The following RBPJ variants were observed in gnomAD, a reference collection of about 807,000 sequenced individuals.
RBPJ encodes recombining binding protein suppressor of hairless.
Under a neutral mutation model 67.8 loss-of-function variants are expected in RBPJ, and 9 were observed. The ratio of observed to expected loss-of-function variants is 0.13; its 90% CI spans 0.08 to 0.23. The LOEUF (loss-of-function observed/expected upper bound fraction) is 0.23. RBPJ is among the 10% of genes least tolerant of loss of function. RBPJ has a pLI of 1.00. For synonymous variants in RBPJ, 198 were observed against 203.3 expected (o/e 0.97, Z 0.22); for missense variants, 305 against 595.6 (o/e 0.51, Z 5.08).
chr4:26,402,309 C>T (rs1404589961), intron 2 of RBPJ, among the ~76,000 whole-genome samples: 1 of 152,186 alleles, frequency 6.6e-6, no homozygotes, highest in African/African-American at 2.4e-5. Context: ...GTTTGGTCTC[C>T]CTATTCCCTC....
chr4:26,213,991 G>A (rs1348438926), intron 1 of RBPJ, among the ~76,000 whole-genome samples: 1 of 152,018 alleles, frequency 6.6e-6, no homozygotes, highest in Non-Finnish European at 1.5e-5. Context: ...GTGGATGGAG[G>A]TATCACTTAG....
At chr4:26,384,345 T>C (rs1730598748) in intron 1 of RBPJ, among the ~76,000 whole-genome samples, 1 of 152,216 alleles carries the variant, frequency 6.6e-6, no homozygotes, top group African/African-American at 2.4e-5. Context: ...GAATTATCAA[T>C]TCATAAACAG....
intron 1 of RBPJ, among the ~76,000 whole-genome samples, chr4:26,337,499 T>G (rs1244381591): frequency 6.6e-6 from 1 of 151,966 alleles, no homozygotes; most frequent in African/African-American, 2.4e-5. Flanking sequence ...CTCCCCATGC[T>G]TACTGGCTGC....
intron 1 of RBPJ, among the ~76,000 whole-genome samples, chr4:26,375,427 G>A (rs1370222914): frequency 6.6e-6 from 1 of 152,104 alleles, no homozygotes; most frequent in Non-Finnish European, 1.5e-5. Flanking sequence ...CTTATTTGCT[G>A]CTATCTGTTC....
At chr4:26,109,280 A>AT in the RBPJ span, among the ~76,000 whole-genome samples, 16 of 150,212 alleles carry the variant, frequency 1.1e-4, no homozygotes, top group African/African-American at 3.9e-4. Context: ...TAATTTCTGT[A>AT]TTTTTAGAAG....
chr4:26,428,002 T>C (rs1249056528), intron 7 of RBPJ, among the ~76,000 whole-genome samples: 1 of 152,234 alleles, frequency 6.6e-6, no homozygotes, highest in Non-Finnish European at 1.5e-5. Context: ...AGTTGCGTTA[T>C]AAGCTTTAGA....
At chr4:26,266,039 A>T (rs1236573358) in intron 1 of RBPJ, among the ~76,000 whole-genome samples, 1 of 152,174 alleles carries the variant, frequency 6.6e-6, no homozygotes. Context: ...CTCAAAAAAA[A>T]AAAGGATCTT....
intron 1 of RBPJ, among the ~76,000 whole-genome samples, chr4:26,357,770 G>A (rs1175088408): frequency 6.6e-6 from 1 of 151,948 alleles, no homozygotes; most frequent in Non-Finnish European, 1.5e-5. Flanking sequence ...CATTCTTTTT[G>A]TCTCTATGAA....
At chr4:26,287,192 T>C (rs1721495648) in intron 1 of RBPJ, among the ~76,000 whole-genome samples, 1 of 152,036 alleles carries the variant, frequency 6.6e-6, no homozygotes, top group African/African-American at 2.4e-5. Context: ...ATGTCACTGT[T>C]CTGAGATCTG....
intron 2 of RBPJ, among the ~76,000 whole-genome samples, chr4:26,403,615 TGTAA>T (rs989114110): frequency 1.3e-4 from 20 of 152,222 alleles, no homozygotes; most frequent in African/African-American, 3.6e-4. Context: ...AGTTCCCACT[TGTAA>T]GTGAGAACAT....
At chr4:26,239,347 T>G (rs1719556512) in intron 1 of RBPJ, among the ~76,000 whole-genome samples, 1 of 152,220 alleles carries the variant, frequency 6.6e-6, no homozygotes, top group Non-Finnish European at 1.5e-5. Flanking sequence ...TTATTTGTAC[T>G]TTGTTTTGCT....
intron 1 of RBPJ, among the ~76,000 whole-genome samples, chr4:26,227,310 C>A (rs1719109107): frequency 6.6e-6 from 1 of 152,230 alleles, no homozygotes; most frequent in African/African-American, 2.4e-5. Flanking sequence ...TAGATCCCAG[C>A]TCTGCCTCAT....
intron 1 of RBPJ, among the ~76,000 whole-genome samples, chr4:26,384,172 A>G (rs903518956): frequency 1.3e-5 from 2 of 152,212 alleles, no homozygotes; most frequent in Non-Finnish European, 2.9e-5. Context: ...TAGAAATTGA[A>G]TATCATGTGG....
intron 1 of RBPJ, among the ~76,000 whole-genome samples, chr4:26,308,147 G>A (rs961333808): frequency 1.3e-5 from 2 of 152,162 alleles, no homozygotes; most frequent in African/African-American, 4.8e-5. Context: ...GTGGTGGCGG[G>A]CGCCTGTAGT....
intron 1 of RBPJ, among the ~76,000 whole-genome samples, chr4:26,374,474 C>G (rs1729500679): frequency 8.0e-6 from 1 of 124,648 alleles, no homozygotes; most frequent in Admixed American, 9.7e-5. Context: ...TCCGGTCACC[C>G]TTTTCTTTTT....
the RBPJ span, among the ~76,000 whole-genome samples, chr4:26,120,788 G>T: frequency 6.9e-6 from 1 of 145,930 alleles, no homozygotes. Context: ...AGACCATTGA[G>T]GCGTGGACAG....
chr4:26,320,556 G>A (rs923434648), upstream of RBPJ: 2 of 527,886 alleles, frequency 3.8e-6, no homozygotes, highest in African/African-American at 3.9e-5. Context: ...GAAGCCGCTT[G>A]GAAAACACCC....
the RBPJ span, among the ~76,000 whole-genome samples, chr4:26,149,617 C>T: frequency 3.8e-4 from 57 of 151,314 alleles, no homozygotes; most frequent in Non-Finnish European, 2.7e-4. Context: ...GAGCTCAGCT[C>T]TCTCTCTCTC....
At chr4:26,309,547 A>G (rs1181359333) in intron 1 of RBPJ, among the ~76,000 whole-genome samples, 6 of 152,210 alleles carry the variant, frequency 3.9e-5, no homozygotes, top group Non-Finnish European at 7.3e-5. Context: ...GTGAGGAAAA[A>G]TAAACTTGCT....
Sources: gnomAD v4.1 joint callset for allele counts (sites outside exome capture counted in the v4.1 genomes callset) on GRCh38, gnomAD v4.1.1 for gene constraint, MANE v1.5 for transcripts, NCBI Gene and HGNC (gene_info 2026-07-23, HGNC 2026-07-21) for gene names.